The following TRAPPC9 variants were observed in gnomAD, a reference collection of about 807,000 sequenced individuals.
TRAPPC9 encodes trafficking protein particle complex subunit 9, also known as IKK2 binding protein.
A neutral mutation model predicts 124.0 loss-of-function variants in TRAPPC9; 83 were observed. The ratio of observed to expected loss-of-function variants is 0.67; its 90% CI spans 0.56 to 0.80. The LOEUF (loss-of-function observed/expected upper bound fraction) is 0.80, where lower values mean the gene tolerates loss of function less well. Ranked by LOEUF, TRAPPC9 falls within the 30% of genes least tolerant of loss-of-function variation. The pLI, the probability that TRAPPC9 is intolerant of heterozygous loss-of-function variation, is 0.00. For synonymous variants in TRAPPC9, 638 were observed against 617.5 expected, an observed-to-expected ratio of 1.03 and a Z score of -0.49; for missense variants, 1,302 against 1,508.3, an observed-to-expected ratio of 0.86 and a Z score of 2.27.
At chr8:140,160,328 T>G (rs553436875) in intron 17 of TRAPPC9, among the ~76,000 whole-genome samples, 100 of 152,250 alleles carry the variant, frequency 6.6e-4, no homozygotes, top group African/African-American at 2.3e-3. Flanking sequence ...ATCATGCTAC[T>G]GTAAAGACAC....
At chr8:140,419,780 G>A (rs1318836190) in intron 5 of TRAPPC9, among the ~76,000 whole-genome samples, 1 of 152,002 alleles carries the variant, frequency 6.6e-6, no homozygotes, top group Non-Finnish European at 1.5e-5. Context: ...CAGCTACTCG[G>A]GAGGCTGAGG....
intron 5 of TRAPPC9, among the ~76,000 whole-genome samples, chr8:140,420,072 A>G (rs1008051270): frequency 9.8e-5 from 15 of 152,326 alleles, no homozygotes; most frequent in African/African-American, 3.6e-4. Flanking sequence ...CCATGTGACA[A>G]TGAAATTAAG....
Position 139,731,220 on chromosome 8 carries a change from C to T in TRAPPC9, c.3288G>A (p.Pro1096=), listed in dbSNP as rs570688248. Residue 1096 remains proline (P), a synonymous_variant, in exon 23 of 23, where the codon CCG becomes CCA. Transcript: ENST00000438773. ...CCCCGAGGCAGGCCGACTGGCCGGA[C>T]GGCTGCACCTGAGCAGGGAGGAGAA... ...SSTFYLDAVQ[P]SGQSACLGAL... is the part of the protein sequence containing the mutation. 75 of 1,613,408 alleles carry T rather than the reference C, an allele frequency of 4.6e-5. No homozygotes were observed. Among genetic ancestry groups the T allele is most frequent in the African/African-American group, 2.1e-4 (16 of 75,038 alleles).
intron 21 of TRAPPC9, among the ~76,000 whole-genome samples, chr8:139,865,978 C>T (rs200011712): frequency 1.2e-4 from 18 of 151,696 alleles, no homozygotes; most frequent in Non-Finnish European, 2.2e-4. Context: ...TACATCGGTT[C>T]GGTCCAAAAA....
At chr8:139,991,664 A>G (rs375604210) in intron 18 of TRAPPC9, among the ~76,000 whole-genome samples, 1 of 151,940 alleles carries the variant, frequency 6.6e-6, no homozygotes, top group Non-Finnish European at 1.5e-5. Flanking sequence ...GCTGAGACCA[A>G]GGCGAGTCTC....
intron 21 of TRAPPC9, among the ~76,000 whole-genome samples, chr8:139,813,363 A>G (rs2130756146): frequency 6.6e-6 from 1 of 152,296 alleles, no homozygotes; most frequent in South Asian, 2.1e-4. Context: ...CTGTCCCACA[A>G]GCAACACGCT....
intron 17 of TRAPPC9, among the ~76,000 whole-genome samples, chr8:140,121,140 C>T (rs1460976784): frequency 6.6e-6 from 1 of 152,232 alleles, no homozygotes; most frequent in African/African-American, 2.4e-5. Context: ...GATGCCTCCA[C>T]TGAGGAGTAA....
intron 19 of TRAPPC9, among the ~76,000 whole-genome samples, chr8:139,958,687 G>A (rs576921213): frequency 1.3e-5 from 2 of 152,230 alleles, no homozygotes; most frequent in East Asian, 1.9e-4. Flanking sequence ...CCAGGAACAC[G>A]GTGTCTGGGA....
intron 15 of TRAPPC9, among the ~76,000 whole-genome samples, chr8:140,267,663 G>A (rs200906006): frequency 7.4e-5 from 8 of 107,646 alleles, no homozygotes; most frequent in South Asian, 8.1e-4. Context: ...GGGGTTTTTC[G>A]TTGTTGTTGT....
chr8:140,457,289 A>C (rs1045602096), intron 1 of TRAPPC9, among the ~76,000 whole-genome samples: 7 of 152,132 alleles, frequency 4.6e-5, no homozygotes, highest in African/African-American at 1.7e-4. Flanking sequence ...GACAGCTCGG[A>C]GGCACAGAGG....
chr8:140,159,522 G>A (rs2061709626), intron 17 of TRAPPC9, among the ~76,000 whole-genome samples: 1 of 152,146 alleles, frequency 6.6e-6, no homozygotes, highest in Non-Finnish European at 1.5e-5. Flanking sequence ...AGCACATTAG[G>A]CAAGGAAGAA....
At chr8:140,197,950 G>A (rs936117576) in intron 17 of TRAPPC9, among the ~76,000 whole-genome samples, 12 of 152,162 alleles carry the variant, frequency 7.9e-5, no homozygotes, top group East Asian at 3.9e-4. Context: ...CACATCTTGT[G>A]CAGCAAGATG....
At chr8:140,324,041 C>T (rs955569497) in intron 9 of TRAPPC9, among the ~76,000 whole-genome samples, 2 of 152,142 alleles carry the variant, frequency 1.3e-5, no homozygotes, top group Non-Finnish European at 2.9e-5. Context: ...TTATCCCTCA[C>T]CCCCTCCCAC....
chr8:140,093,847 A>G (rs977435396), intron 17 of TRAPPC9, among the ~76,000 whole-genome samples: 1 of 152,110 alleles, frequency 6.6e-6, no homozygotes, highest in South Asian at 2.1e-4. Flanking sequence ...AATCCCAACC[A>G]TGGCCACACA....
At chr8:140,119,976 T>C (rs1301542289) in intron 17 of TRAPPC9, among the ~76,000 whole-genome samples, 2 of 152,192 alleles carry the variant, frequency 1.3e-5, no homozygotes, top group Non-Finnish European at 2.9e-5. Flanking sequence ...CCTAGTCCCA[T>C]TCAGATTCCA....
chr8:140,340,645 A>G (rs1406289802), intron 9 of TRAPPC9, among the ~76,000 whole-genome samples: 1 of 152,220 alleles, frequency 6.6e-6, no homozygotes, highest in Non-Finnish European at 1.5e-5. Flanking sequence ...CAAAGGTCAC[A>G]TTTGATAAAG....
At position 140,045,377 on chromosome 8, in the gene TRAPPC9, GCACTTT is replaced by G. The variant is rs1237801531; in HGVS notation, c.2557-21304_2557-21299del. On this transcript the variant is annotated intron_variant, in intron 17 of 22. Coordinates refer to ENST00000438773, the MANE Select transcript of TRAPPC9 (RefSeq NM_001160372.4). Reference sequence around the variant, plus strand: ...GCGGTGGCTCATGCCTGTAATCCCAGCACTTTGGGAGACCGAGGCGGGTGGATCACC... The same window carrying G: ...GCGGTGGCTCATGCCTGTAATCCCAGGGGAGACCGAGGCGGGTGGATCACC... 1.2e-4 allele frequency among the ~76,000 whole-genome samples: 19 copies of G among 152,274 alleles called. No individual in the cohort carries two copies. In the East Asian group the frequency reaches 1.9e-3, roughly 15 times the overall value.
intron 19 of TRAPPC9, among the ~76,000 whole-genome samples, chr8:139,948,168 A>G (rs1044188699): frequency 6.6e-6 from 1 of 151,418 alleles, no homozygotes; most frequent in African/African-American, 2.4e-5. Flanking sequence ...TGTACCAGGC[A>G]CTGTTTTAGA....
chr8:139,833,911 G>A (rs1232927793), intron 21 of TRAPPC9, among the ~76,000 whole-genome samples: 1 of 152,206 alleles, frequency 6.6e-6, no homozygotes, highest in Middle Eastern at 3.2e-3. Context: ...GGAGGGATCA[G>A]AAACATGAGA....
Sources: allele counts gnomAD v4.1 joint callset (sites outside exome capture counted in the v4.1 genomes callset), GRCh38; gene constraint gnomAD v4.1.1; transcripts MANE v1.5; gene names NCBI Gene and HGNC (gene_info 2026-07-23, HGNC 2026-07-21).